SLC43A1: variants seen among roughly 807,000 people sequenced by gnomAD.
SLC43A1 encodes solute carrier family 43 member 1.
In SLC43A1, 31 loss-of-function variants were observed where a neutral mutation model predicts 59.5. That is an observed-to-expected ratio of 0.52 (90% CI 0.39 to 0.70). The LOEUF (loss-of-function observed/expected upper bound fraction) is 0.70. Among genes scored for constraint, SLC43A1 ranks in the 30% least tolerant of loss-of-function variants. The pLI is 0.00. For synonymous variants in SLC43A1, 259 were observed against 290.9 expected (o/e 0.89, Z 1.12); for missense variants, 598 against 717.8 (o/e 0.83, Z 1.91).
intron 13 of SLC43A1, among the ~76,000 whole-genome samples, chr11:57,488,519 A>C (rs1425122181): frequency 3.3e-5 from 5 of 152,162 alleles, no homozygotes; most frequent in Non-Finnish European, 7.3e-5. Flanking sequence ...TACACAGGGG[A>C]GAGTCCCTCA....
chr11:57,492,247 T>C (rs1464637550), intron 8 of SLC43A1, among the ~76,000 whole-genome samples: 1 of 140,234 alleles, frequency 7.1e-6, no homozygotes, highest in Non-Finnish European at 1.5e-5. Context: ...ATACAGAAAT[T>C]ATATATATAT....
chr11:57,512,595 G>C (rs780935762), intron 2 of SLC43A1, among the ~76,000 whole-genome samples: 1 of 151,704 alleles, frequency 6.6e-6, no homozygotes, highest in East Asian at 1.9e-4. Flanking sequence ...TCAAGGGCAG[G>C]CAGGGTCTCT....
chr11:57,486,681 C>T (rs1161175476), intron 14 of SLC43A1, among the ~76,000 whole-genome samples: 1 of 150,010 alleles, frequency 6.7e-6, no homozygotes, highest in African/African-American at 2.4e-5. Context: ...TGGTGGTGGG[C>T]GCCTGTGGTC....
At chr11:57,501,915 G>C (rs955633230) in intron 2 of SLC43A1, among the ~76,000 whole-genome samples, 5 of 152,208 alleles carry the variant, frequency 3.3e-5, no homozygotes, top group Non-Finnish European at 7.3e-5. Flanking sequence ...TAAAATAATA[G>C]CTAATACTTA....
intron 6 of SLC43A1, 49 bp downstream of exon 6, chr11:57,497,704 C>A (rs763999185): frequency 6.8e-7 from 1 of 1,463,948 alleles, no homozygotes; most frequent in Non-Finnish European, 9.5e-7. Flanking sequence ...CACTCGGCCC[C>A]ACCCGGTTCT....
At chr11:57,501,577 G>A (rs572872048) in intron 2 of SLC43A1, among the ~76,000 whole-genome samples, 46 of 152,336 alleles carry the variant, frequency 3.0e-4, no homozygotes, top group Non-Finnish European at 5.7e-4. Context: ...GGACATAAAA[G>A]TATTTACTAA....
Position 57,487,209 on chromosome 11 carries a change from G to A in SLC43A1, c.1419C>T (p.Ser473=), listed in dbSNP as rs778489060. ...CGSLYAAVFP[S]NHFGTLTGLQ... ...GGCCTGTCAGCGTCCCAAAGTGGTTGGATGGGAACCTGTCCACGAGACGGG... is the reference window on the plus strand; with the variant it reads ...GGCCTGTCAGCGTCCCAAAGTGGTTAGATGGGAACCTGTCCACGAGACGGG... The change falls in exon 14 of 15, where the codon TCC becomes TCT. Residue 473 remains serine (S), a synonymous_variant. Transcript: ENST00000278426. 6 of 1,613,382 alleles carry A rather than the reference G, an allele frequency of 3.7e-6. No homozygotes were observed. Among genetic ancestry groups the A allele is most frequent in the Non-Finnish European group, 5.1e-6 (6 of 1,179,622 alleles).
Position 57,501,220 on chromosome 11 carries a change from G to T in SLC43A1, c.264C>A (p.Ser88Arg). The T allele has an allele frequency of 6.2e-7, 1 of 1,612,194 alleles. No individual in the cohort carries two copies. ...LGFTIGSFVLSATTLPLGILM... is the reference protein window; with the variant it reads ...LGFTIGSFVLRATTLPLGILM... ...GGATCCCCAGTGGCAGGGTGGTGGC[G>T]CTGAGCACGAAGGAACCAATGGTGA... The change falls in exon 3 of 15, where the codon AGC becomes AGA. Residue 88 changes from serine to arginine, a missense_variant. Transcript: ENST00000278426.
chr11:57,492,479 T>C (rs867471300), intron 8 of SLC43A1, among the ~76,000 whole-genome samples: 5 of 130,996 alleles, frequency 3.8e-5, no homozygotes, highest in African/African-American at 8.6e-5. Flanking sequence ...AATTTATATA[T>C]AAAAAATAAT....
chr11:57,514,816 G>A lies in SLC43A1; in HGVS notation c.-14+628C>T. On this transcript the variant is annotated intron_variant, in intron 1 of 14. Coordinates refer to ENST00000278426, the MANE Select transcript of SLC43A1 (RefSeq NM_003627.6). The surrounding 1 kb of genome is among the most constrained non-coding windows in gnomAD (Gnocchi z 5.5). ...TCGGGGCACCAGGCTTTGCACCTCG[G>A]AACCCGCTTGCCCCCCTCCAGCCCC... 3.0e-6 allele frequency: 3 copies of A among 985,586 alleles called. No homozygotes were observed. Among genetic ancestry groups the A allele is most frequent in the South Asian group, 9.4e-5 (2 of 21,284 alleles). The allele number at this position is 985,586 out of a possible 1,614,324, so 61.1% of individuals were successfully genotyped here.
In SLC43A1 at chr11:57,488,959, G is replaced by A. The variant is rs150971228; in HGVS notation, c.1366C>T (p.Arg456Ter). 16 of 1,614,036 alleles carry A rather than the reference G, an allele frequency of 9.9e-6. No individual in the cohort carries two copies. Among genetic ancestry groups the A allele is most frequent in the African/African-American group, 2.7e-5 (2 of 74,936 alleles). Residue 456 changes from arginine (R) to a stop codon, truncating the protein, a stop_gained, in exon 13 of 15, where the codon CGA (arginine) becomes TGA (stop). Coordinates refer to ENST00000278426, the MANE Select transcript of SLC43A1 (RefSeq NM_003627.6). LOFTEE classifies it high-confidence loss of function. ...CCACAGGCTGAGTGGAAGAAACCTC[G>A]AACAATGGTGTGCAGGACAAAGGTC... is the stretch of plus-strand genomic sequence containing the variant. ...FVTFVLHTIV[R>*]GFFHSACGSL...
At chr11:57,492,024 C>T (rs1461840034) in intron 8 of SLC43A1, among the ~76,000 whole-genome samples, 162 bp from the exon 9 acceptor site, 1 of 152,096 alleles carries the variant, frequency 6.6e-6, no homozygotes, top group Non-Finnish European at 1.5e-5. Context: ...TGCCTCCAGG[C>T]TCTTGCTCAG....
intron 2 of SLC43A1, among the ~76,000 whole-genome samples, chr11:57,510,897 G>A (rs1322001712): frequency 1.3e-5 from 2 of 151,774 alleles, no homozygotes; most frequent in African/African-American, 2.4e-5. Flanking sequence ...CAGGAGAATC[G>A]CTTGAACCCA....
chr11:57,513,465 G>C (rs1319812743), intron 2 of SLC43A1, among the ~76,000 whole-genome samples: 1 of 152,334 alleles, frequency 6.6e-6, no homozygotes, highest in Admixed American at 6.5e-5. Context: ...TGATTGAAGT[G>C]GAAACCAGAG....
At chr11:57,489,021 GGA>G (rs1943823597) in intron 12 of SLC43A1, 32 bp from the exon 13 acceptor site, 2 of 1,603,922 alleles carry the variant, frequency 1.2e-6, no homozygotes, top group East Asian at 4.5e-5. Context: ...GAAGAGGTTA[GGA>G]GAGTGTGTGG....
intron 2 of SLC43A1, among the ~76,000 whole-genome samples, chr11:57,504,592 G>C (rs1019403530): frequency 2.0e-5 from 3 of 152,212 alleles, no homozygotes; most frequent in African/African-American, 7.2e-5. Flanking sequence ...TAAATGGTAA[G>C]GGTCCAAGAA....
chr11:57,491,921 C>T lies in SLC43A1; in HGVS notation c.872-59G>A, dbSNP rs976120608. On this transcript the variant is annotated intron_variant, in intron 8 of 14. Coordinates refer to ENST00000278426, the MANE Select transcript of SLC43A1 (RefSeq NM_003627.6). ...AGACCTTCCACTGCCCTCTGATTGT[C>T]CCAGCTCATGCAGTTCTTGGGGGGA... The T allele has an allele frequency of 2.1e-4, 330 of 1,551,652 alleles. 1 individual carries two copies. The highest frequency in any genetic ancestry group is 4.0e-4 in the Admixed American group (23 of 56,942).
rs747650715 is a variant in SLC43A1, at chr11:57,501,168, C to T, written c.316G>A (p.Val106Met). 15 of 1,612,298 alleles carry T rather than the reference C, an allele frequency of 9.3e-6. No homozygotes were observed. The highest frequency in any genetic ancestry group is 1.6e-4 in the Middle Eastern group (1 of 6,084). Residue 106 changes from valine (V) to methionine (M), a missense_variant, in exon 3 of 15, where the codon GTG (valine) becomes ATG (methionine). Coordinates refer to ENST00000278426, the MANE Select transcript of SLC43A1 (RefSeq NM_003627.6). ...ILMDRFGPRP[V>M]RLVGSACFTA... ...CCACCTCACCTGCCAACCAGCCGCA[C>T]GGGTCGGGGGCCAAAGCGGTCCATG...
chr11:57,493,284 G>A (rs2135164949), intron 8 of SLC43A1, among the ~76,000 whole-genome samples: 1 of 152,258 alleles, frequency 6.6e-6, no homozygotes, highest in South Asian at 2.1e-4. Context: ...AATCGGCACT[G>A]GGGGTAACCA....
Sources: allele counts gnomAD v4.1 joint callset (sites outside exome capture counted in the v4.1 genomes callset), GRCh38; gene constraint gnomAD v4.1.1; non-coding constraint Gnocchi (gnomAD v3.1); transcripts MANE v1.5; gene names NCBI Gene and HGNC (gene_info 2026-07-23, HGNC 2026-07-21).